The following GALNT8 variants were observed in gnomAD, a reference collection of about 807,000 sequenced individuals.
GALNT8 encodes the protein probable polypeptide N-acetylgalactosaminyltransferase 8.
Under a neutral mutation model 62.7 loss-of-function variants are expected in GALNT8, and 66 were observed. That is an observed-to-expected ratio of 1.05 (90% CI 0.86 to 1.29). The LOEUF (loss-of-function observed/expected upper bound fraction) is 1.29, where lower values mean the gene tolerates loss of function less well. Among genes scored for constraint, GALNT8 ranks in the 50% most tolerant of loss-of-function variants. The pLI is 0.00. For synonymous variants in GALNT8, 288 were observed against 294.3 expected, an observed-to-expected ratio of 0.98 and a Z score of 0.22; for missense variants, 771 against 791.8, an observed-to-expected ratio of 0.97 and a Z score of 0.32.
Position 4,720,776 on chromosome 12 carries a change from A to G in GALNT8, c.99A>G (p.Leu33=). Reference sequence around the variant, plus strand: ...TGGTATTTTCTAGCAAGGGGACTTTACAAAACCTGTTTACGGGTGGTCTCC... The same window carrying G: ...TGGTATTTTCTAGCAAGGGGACTTTGCAAAACCTGTTTACGGGTGGTCTCC... The part of the protein sequence containing the change: ...LLLVFSSKGT[L]QNLFTGGLHR... Residue 33 remains leucine, a synonymous_variant, in exon 1 of 11, where the codon TTA becomes TTG. Transcript: ENST00000252318. The G allele has an allele frequency of 6.2e-7, 1 of 1,612,722 alleles. No individual in the cohort carries two copies. Among genetic ancestry groups the G allele is most frequent in the Non-Finnish European group, 8.5e-7 (1 of 1,178,678 alleles).
In GALNT8 at chr12:4,751,511, G is replaced by A. The variant is rs550190038; in HGVS notation, c.1173+5253G>A. On this transcript the variant is annotated intron_variant, in intron 6 of 10. Transcript: ENST00000252318. The stretch of plus-strand genomic sequence containing the variant: ...CAATTTCCTTCTTAATTTCTTCATT[G>A]ACTCACTGGTCATTCAGGAGCATAT... Among the ~76,000 whole-genome samples the A allele has an allele frequency of 2.0e-5, 3 of 152,110 alleles. No homozygotes were observed. In the East Asian group the frequency reaches 5.8e-4, roughly 29 times the overall value.
intron 6 of GALNT8, among the ~76,000 whole-genome samples, chr12:4,760,278 C>T (rs1946365494): frequency 6.6e-6 from 1 of 152,198 alleles, no homozygotes; most frequent in Non-Finnish European, 1.5e-5. Context: ...CAGTTTTATG[C>T]TGGGTATCAG....
intron 1 of GALNT8, among the ~76,000 whole-genome samples, chr12:4,724,729 C>T (rs1040154246): frequency 6.6e-6 from 1 of 152,174 alleles, no homozygotes; most frequent in Non-Finnish European, 1.5e-5. Flanking sequence ...CAAGTTTTTT[C>T]GACTATCCTC....
rs1431643071 is a variant in GALNT8, at chr12:4,745,601, C to T, written c.1033C>T (p.Leu345=). 1 of 1,613,890 alleles carries T rather than the reference C, an allele frequency of 6.2e-7. No individual in the cohort carries two copies. Among genetic ancestry groups the T allele is most frequent in the Non-Finnish European group, 8.5e-7 (1 of 1,179,814 alleles). Residue 345 remains leucine, a synonymous_variant, in exon 5 of 11, where the codon CTG becomes TTG. Coordinates refer to ENST00000252318, the MANE Select transcript of GALNT8 (RefSeq NM_017417.2). ...YDALPQAWID[L]HDVTAPVKSP... Reference sequence around the variant, plus strand: ...TGCACTGCCACAAGCCTGGATTGATCTGCATGATGTCACTGCCCCAGTGAA... The same window carrying T: ...TGCACTGCCACAAGCCTGGATTGATTTGCATGATGTCACTGCCCCAGTGAA...
chr12:4,761,856 A>T (rs1449223868), intron 7 of GALNT8, among the ~76,000 whole-genome samples: 1 of 152,080 alleles, frequency 6.6e-6, no homozygotes, highest in Non-Finnish European at 1.5e-5. Flanking sequence ...GGGAGGAGTT[A>T]TCTCATTGAC....
intron 2 of GALNT8, among the ~76,000 whole-genome samples, chr12:4,732,084 G>A (rs1210332071): frequency 9.5e-5 from 8 of 84,580 alleles, no homozygotes; most frequent in Admixed American, 9.2e-4. Flanking sequence ...TCTCACATTG[G>A]GATTTTCTAA....
In GALNT8 at chr12:4,761,710, C is replaced by G. The variant is rs150052057; in HGVS notation, c.1359+567C>G. ...AAATGTTGAGTTTAAAAGTGTTAGC[C>G]CCTGCACCCAGCCAAGGTTGGCCTT... On this transcript the variant is annotated intron_variant, in intron 7 of 10. Transcript: ENST00000252318. Among the ~76,000 whole-genome samples the G allele has an allele frequency of 6.6e-3, 1,006 of 152,134 alleles. 21 individuals carry two copies. Among genetic ancestry groups the G allele is most frequent in the African/African-American group, 0.023 (973 of 41,506 alleles).
Position 4,749,120 on chromosome 12 carries a change from T to G in GALNT8, c.1173+2862T>G, listed in dbSNP as rs906560782. 1.1e-4 allele frequency among the ~76,000 whole-genome samples: 17 copies of G among 152,142 alleles called. No individual in the cohort carries two copies. Among genetic ancestry groups the G allele is most frequent in the Admixed American group, 3.3e-4 (5 of 15,270 alleles). ...ATAGTTTTTTGGTGGAGTCTTTATG[T>G]TTTTCCAATATAAGATTATGTCATC... On this transcript the variant is annotated intron_variant, in intron 6 of 10. Transcript: ENST00000252318. The surrounding 1 kb of genome is among the most constrained non-coding windows in gnomAD (Gnocchi z 4.1).
intron 6 of GALNT8, among the ~76,000 whole-genome samples, chr12:4,754,655 C>T (rs1946336557): frequency 1.3e-5 from 2 of 151,768 alleles, no homozygotes; most frequent in African/African-American, 2.4e-5. Context: ...GTCCTGGAAT[C>T]AGGGACCCCC....
In GALNT8 at chr12:4,746,323, AC is replaced by A. The variant is rs1285795257; in HGVS notation, c.1173+69del. 13 of 905,768 alleles carry A rather than the reference AC, an allele frequency of 1.4e-5. No homozygotes were observed. The Admixed American group carries it at 2.1e-4, about 14-fold the overall frequency. The allele number at this position is 905,768 out of a possible 1,614,324, so 56.1% of individuals were successfully genotyped here. A position where few individuals can be genotyped will look rare whatever the true frequency, so the allele number is the denominator to read the frequency against. On this transcript the variant is annotated intron_variant, in intron 6 of 10. Coordinates refer to ENST00000252318, the MANE Select transcript of GALNT8 (RefSeq NM_017417.2). ...AGGGGAATAATAGAAAGGTAGTAGG[AC>A]CCCTGGAATCCTAGAACAAGGCTGA...
At chr12:4,750,904 A>G (rs1946319843) in intron 6 of GALNT8, among the ~76,000 whole-genome samples, 1 of 152,174 alleles carries the variant, frequency 6.6e-6, no homozygotes, top group African/African-American at 2.4e-5. Flanking sequence ...CAACCAAAAC[A>G]TCATGGTACT....
At position 4,765,482 on chromosome 12, in the gene GALNT8, C is replaced by T; in HGVS notation, c.1697C>T (p.Pro566Leu). 1 of 1,612,674 alleles carries T rather than the reference C, an allele frequency of 6.2e-7. No homozygotes were observed. The highest frequency in any genetic ancestry group is 8.5e-7 in the Non-Finnish European group (1 of 1,179,878). ...CLTDPGKAEK[P>L]TLEPCSKAAK... Reference sequence around the variant, plus strand: ...ACAGACCCTGGCAAGGCGGAGAAGCCCACCTTAGAACCATGCTCCAAGGCA... The same window carrying T: ...ACAGACCCTGGCAAGGCGGAGAAGCTCACCTTAGAACCATGCTCCAAGGCA... The change falls in exon 10 of 11, where the codon CCC becomes CTC. Residue 566 changes from proline to leucine, a missense_variant. By Grantham distance (98) the Pro-to-Leu change is moderately conservative (BLOSUM62 -3). Coordinates refer to ENST00000252318, the MANE Select transcript of GALNT8 (RefSeq NM_017417.2).
intron 6 of GALNT8, among the ~76,000 whole-genome samples, chr12:4,746,541 C>T (rs1263180687): frequency 6.6e-6 from 1 of 152,056 alleles, no homozygotes; most frequent in Non-Finnish European, 1.5e-5. Context: ...GGGCATTTTT[C>T]AAGCATCTCC....
At chr12:4,738,973 A>G (rs1156854050) in intron 2 of GALNT8, among the ~76,000 whole-genome samples, 190 bp from the exon 3 acceptor site, 1 of 152,242 alleles carries the variant, frequency 6.6e-6, no homozygotes, top group East Asian at 1.9e-4. Flanking sequence ...TCCCCATAAC[A>G]GGAGAATTTT....
chr12:4,743,803 A>G (rs1160861147), intron 3 of GALNT8, among the ~76,000 whole-genome samples: 1 of 152,216 alleles, frequency 6.6e-6, no homozygotes, highest in Non-Finnish European at 1.5e-5. Context: ...ACTCAGAGTC[A>G]TTTGGTTAGA....
At chr12:4,737,922 A>G (rs1285842368) in intron 2 of GALNT8, among the ~76,000 whole-genome samples, 1 of 152,188 alleles carries the variant, frequency 6.6e-6, no homozygotes, top group Non-Finnish European at 1.5e-5. Flanking sequence ...CAGAACCAGG[A>G]GCCAATAAGT....
chr12:4,770,482 GGTC>G (rs1946419256), intron 10 of GALNT8, among the ~76,000 whole-genome samples: 1 of 151,816 alleles, frequency 6.6e-6, no homozygotes, highest in Non-Finnish European at 1.5e-5. Context: ...TTGTCTAAAA[GGTC>G]ACAATAAATT....
At position 4,772,327 on chromosome 12, in the gene GALNT8, G is replaced by A. The variant is rs887486544; in HGVS notation, c.1762-118G>A. On this transcript the variant is annotated intron_variant, in intron 10 of 10. Transcript: ENST00000252318. ...TCCCTTTCTTCCCTGGATGACTTGT[G>A]GAGCACTGAGGGGTCCCTCAAGAAT... The A allele has an allele frequency of 8.4e-5, 70 of 829,004 alleles. No individual in the cohort carries two copies. The East Asian group carries it at 1.6e-3, about 19-fold the overall frequency. The allele number at this position is 829,004 out of a possible 1,614,324, so 51.4% of individuals were successfully genotyped here.
intron 2 of GALNT8, among the ~76,000 whole-genome samples, chr12:4,734,487 A>G (rs1946235625): frequency 6.6e-6 from 1 of 152,036 alleles, no homozygotes; most frequent in Non-Finnish European, 1.5e-5. Flanking sequence ...TTCAACTTCC[A>G]CCTGCCCACC....
Sources: allele counts gnomAD v4.1 joint callset (sites outside exome capture counted in the v4.1 genomes callset), GRCh38; gene constraint gnomAD v4.1.1; non-coding constraint Gnocchi (gnomAD v3.1); transcripts MANE v1.5; gene names NCBI Gene and HGNC (gene_info 2026-07-23, HGNC 2026-07-21).